Variants in ATXN3 observed in about 807,000 individuals in gnomAD.
ATXN3 encodes ataxin-3.
Under a neutral mutation model 58.2 loss-of-function variants are expected in ATXN3, and 28 were observed. The ratio of observed to expected loss-of-function variants is 0.48; its 90% confidence interval spans 0.36 to 0.66. ATXN3 has a LOEUF of 0.66. Among genes scored for constraint, ATXN3 ranks in the 30% least tolerant of loss-of-function variants. The pLI is 0.00. For missense variants in ATXN3, 321 were observed against 422.1 expected (o/e 0.76, Z 2.10); for synonymous variants, 113 against 138.5 (o/e 0.82, Z 1.29).
chr14:92,086,816 C>CA lies in ATXN3; in HGVS notation c.475+1913dup, dbSNP rs539873020. Among the ~76,000 whole-genome samples, 65 of 120,970 alleles carry CA rather than the reference C, an allele frequency of 5.4e-4. 1 individual carries two copies. In the East Asian group the frequency reaches 0.016, roughly 30 times the overall value. The allele number at this position is 120,970 out of a possible 152,430, so 79.4% of individuals were successfully genotyped here. A position where few individuals can be genotyped will look rare whatever the true frequency, so the allele number is the denominator to read the frequency against. On this transcript the variant is annotated intron_variant, in intron 6 of 10. Transcript: ENST00000644486. ...TATTTTACTGCTTATAGGAATATTA[C>CA]AAAAAAAGGGGGGGGGAACTGATTA...
At chr14:92,095,022 T>G (rs1033272153) in intron 3 of ATXN3, among the ~76,000 whole-genome samples, 1 of 150,166 alleles carries the variant, frequency 6.7e-6, no homozygotes, top group Non-Finnish European at 1.5e-5. Context: ...AGAAAAAGAA[T>G]GAAAGACCCA....
downstream of ATXN3, among the ~76,000 whole-genome samples, chr14:92,054,225 T>C (rs1595426849): frequency 6.6e-6 from 1 of 152,246 alleles, no homozygotes; most frequent in East Asian, 1.9e-4. Flanking sequence ...TGAACCACCG[T>C]GCCCGGCTGC....
rs1555392594 is a variant in ATXN3 at position 92,060,270 on chromosome 14, A to ATATATATATATATATTTTT, written c.*4049_*4050insAAAAATATATATATATATA. The ATATATATATATATATTTTT allele has an allele frequency of 8.5e-6, 1 of 117,416 alleles. No homozygotes were observed. The highest frequency in any genetic ancestry group is 3.5e-5 in the African/African-American group (1 of 28,290). 7.3% of individuals were successfully genotyped at this position (117,416 alleles called of 1,614,324 possible). On this transcript the variant is annotated 3_prime_UTR_variant, in exon 11 of 11. Coordinates refer to ENST00000644486, the MANE Select transcript of ATXN3 (RefSeq NM_004993.6). ...CACACATATATATATATATATATAT[A>ATATATATATATATATTTTT]TTTTTTTTTTTCAGAAACAGTGTCT... is the stretch of plus-strand genomic sequence containing the variant.
chr14:92,076,308 C>T (rs1047468204), intron 9 of ATXN3, among the ~76,000 whole-genome samples: 1 of 151,784 alleles, frequency 6.6e-6, no homozygotes, highest in South Asian at 2.1e-4. Flanking sequence ...ATTAGCCCGA[C>T]GTGGTGGCAT....
intron 1 of ATXN3, among the ~76,000 whole-genome samples, chr14:92,049,161 A>G (rs2057439334): frequency 6.6e-6 from 1 of 152,188 alleles, no homozygotes; most frequent in Non-Finnish European, 1.5e-5. Context: ...AGAGGTTTTA[A>G]GTTCTTGAGA....
chr14:92,079,011 T>C (rs56120704), intron 9 of ATXN3, among the ~76,000 whole-genome samples: 43,755 of 151,644 alleles, frequency 0.29, 6,728 homozygotes, highest in East Asian at 0.44. Context: ...CATGGTGAAA[T>C]CCCGTGTCTA....
intron 1 of ATXN3, among the ~76,000 whole-genome samples, chr14:92,098,976 C>A (rs56360110): frequency 1.3e-5 from 2 of 152,130 alleles, no homozygotes; most frequent in Non-Finnish European, 2.9e-5. Flanking sequence ...AAGTAGCCTG[C>A]GTGTGACCCT....
intron 9 of ATXN3, among the ~76,000 whole-genome samples, chr14:92,076,824 C>T (rs902180072): frequency 1.3e-5 from 2 of 149,938 alleles, no homozygotes; most frequent in East Asian, 2.0e-4. Flanking sequence ...CCTGTAACCG[C>T]AGCTACTTGG....
At chr14:92,105,289 A>G (rs1423783729) in intron 1 of ATXN3, among the ~76,000 whole-genome samples, 2 of 152,014 alleles carry the variant, frequency 1.3e-5, no homozygotes, top group Admixed American at 1.3e-4. Flanking sequence ...GGCGATATGC[A>G]CCTGTAGTCC....
chr14:92,078,027 T>C (rs2060741373), intron 9 of ATXN3, among the ~76,000 whole-genome samples: 1 of 148,592 alleles, frequency 6.7e-6, no homozygotes, highest in South Asian at 2.2e-4. Context: ...CAGGCTGGAG[T>C]GCAGTGGGGT....
At chr14:92,045,599 T>C (rs2057423199) in intron 2 of ATXN3, among the ~76,000 whole-genome samples, 4 of 151,994 alleles carry the variant, frequency 2.6e-5, no homozygotes. Context: ...TGAGGGGTAG[T>C]AGAATAGCAG....
At chr14:92,064,647 C>T (rs537726421) in intron 10 of ATXN3, among the ~76,000 whole-genome samples, 34 of 152,212 alleles carry the variant, frequency 2.2e-4, no homozygotes, top group African/African-American at 7.7e-4. Flanking sequence ...CCTTTGTGGT[C>T]GATCCCCATT....
chr14:92,076,455 G>GAAAAAAAAAA (rs374353802), intron 9 of ATXN3, among the ~76,000 whole-genome samples: 3 of 98,542 alleles, frequency 3.0e-5, no homozygotes, highest in Non-Finnish European at 4.2e-5. Flanking sequence ...TCTCAAAAAA[G>GAAAAAAAAAA]AAAAAAAAAA....
At chr14:92,075,156 GTTTTTT>G (rs376552690) in intron 9 of ATXN3, among the ~76,000 whole-genome samples, 1 of 111,356 alleles carries the variant, frequency 9.0e-6, no homozygotes, top group African/African-American at 3.4e-5. Context: ...GTAATAGGGA[GTTTTTT>G]TTTTTTTTTT....
chr14:92,050,029 G>T (rs1409066848), upstream of ATXN3, among the ~76,000 whole-genome samples: 2 of 152,104 alleles, frequency 1.3e-5, no homozygotes, highest in Non-Finnish European at 2.9e-5. Context: ...TTCTCATGGG[G>T]GATTTCTTTC....
intron 6 of ATXN3, among the ~76,000 whole-genome samples, chr14:92,084,137 G>A (rs569587509): frequency 4.1e-4 from 62 of 152,198 alleles, no homozygotes; most frequent in African/African-American, 1.5e-3. Context: ...CCTATTGTGG[G>A]ACTTCACCTT....
chr14:92,076,504 A>C (rs1207102293), intron 9 of ATXN3, among the ~76,000 whole-genome samples: 4 of 151,338 alleles, frequency 2.6e-5, no homozygotes, highest in Admixed American at 6.6e-5. Flanking sequence ...CATATTTTTA[A>C]TCCAGTTTTT....
At chr14:92,080,782 C>T (rs763585539) in intron 9 of ATXN3, 183 bp downstream of exon 9, 8 of 587,952 alleles carry the variant, frequency 1.4e-5, no homozygotes, top group South Asian at 7.6e-5. Context: ...GCAATCTGCC[C>T]GCCTTGGCCT....
chr14:92,077,790 G>A (rs889412666), intron 9 of ATXN3, among the ~76,000 whole-genome samples: 9 of 151,624 alleles, frequency 5.9e-5, no homozygotes, highest in Admixed American at 2.0e-4. Flanking sequence ...GATTACAGGT[G>A]TGCACCACCA....
Sources: allele counts gnomAD v4.1 joint callset (sites outside exome capture counted in the v4.1 genomes callset), GRCh38; gene constraint gnomAD v4.1.1; transcripts MANE v1.5; gene names NCBI Gene and HGNC (gene_info 2026-07-23, HGNC 2026-07-21).